RBFOX1: variants seen among roughly 807,000 people sequenced by gnomAD.
RBFOX1 encodes RNA binding protein fox-1 homolog 1.
In RBFOX1, 8 loss-of-function variants were observed where a neutral mutation model predicts 57.7. The observed-to-expected ratio is 0.14, with a 90% CI of 0.08 to 0.25. The LOEUF (loss-of-function observed/expected upper bound fraction) is 0.25. Ranked by LOEUF, RBFOX1 falls within the 10% of genes least tolerant of loss-of-function variation. RBFOX1 has a pLI of 1.00. For missense variants in RBFOX1, 611 were observed against 548.5 expected (o/e 1.11, Z -1.14); for synonymous variants, 326 against 222.4 (o/e 1.47, Z -4.15).
intron 3 of RBFOX1, among the ~76,000 whole-genome samples, chr16:5,843,445 G>A (rs1185573082): frequency 2.0e-5 from 3 of 152,302 alleles, no homozygotes; most frequent in South Asian, 4.1e-4. Flanking sequence ...CTCCATGCAT[G>A]TTCCAACAAA....
intron 2 of RBFOX1, among the ~76,000 whole-genome samples, chr16:6,626,009 A>T (rs2098299568): frequency 6.6e-6 from 1 of 152,172 alleles, no homozygotes; most frequent in Admixed American, 6.5e-5. Flanking sequence ...TGTGCAATCA[A>T]ATTATAGGAA....
Position 6,143,959 on chromosome 16 carries a change from C to CCACATATATATATATATATATATATA in RBFOX1, c.-127+123967_-127+123968insCACATATATATATATATATATATATA, listed in dbSNP as rs71404590. 1.3e-4 allele frequency among the ~76,000 whole-genome samples: 18 copies of CCACATATATATATATATATATATATA among 139,980 alleles called. 1 individual carries two copies. The highest frequency in any genetic ancestry group is 4.8e-4 in the African/African-American group (17 of 35,654). The allele number at this position is 139,980 out of a possible 152,430, so 91.8% of individuals were successfully genotyped here. A position where few individuals can be genotyped will look rare whatever the true frequency, so the allele number is the denominator to read the frequency against. ...TGCAGGTGTGCAACACCATACTCAG[C>CCACATATATATATATATATATATATA]TATATATATATATATATATATATCT... On this transcript the variant is annotated intron_variant, in intron 1 of 15. Coordinates refer to ENST00000550418, the MANE Select transcript of RBFOX1 (RefSeq NM_018723.4).
intron 3 of RBFOX1, among the ~76,000 whole-genome samples, chr16:6,693,228 C>A (rs1443755013): frequency 4.0e-5 from 6 of 150,430 alleles, no homozygotes; most frequent in Non-Finnish European, 8.9e-5. Flanking sequence ...CGTCATCCTC[C>A]TCCACTACCA....
At chr16:6,058,833 T>TCCATCCATCC (rs2095648782) in intron 1 of RBFOX1, among the ~76,000 whole-genome samples, 1 of 134,310 alleles carries the variant, frequency 7.4e-6, no homozygotes, top group Non-Finnish European at 1.7e-5. Flanking sequence ...CTCATTTATT[T>TCCATCCATCC]ATCCATCCAT....
intron 2 of RBFOX1, among the ~76,000 whole-genome samples, chr16:5,577,137 C>T (rs764278152): frequency 3.5e-4 from 54 of 152,186 alleles, no homozygotes; most frequent in Non-Finnish European, 6.9e-4. Flanking sequence ...CCCTCGGAGC[C>T]CCATGTGGGA....
At chr16:6,892,204 C>T (rs1368210815) in intron 3 of RBFOX1, among the ~76,000 whole-genome samples, 1 of 152,116 alleles carries the variant, frequency 6.6e-6, no homozygotes, top group Non-Finnish European at 1.5e-5. Flanking sequence ...TGCCCTTTGG[C>T]CAAGCAGAAC....
At chr16:7,095,350 C>G (rs1362175905) in intron 4 of RBFOX1, among the ~76,000 whole-genome samples, 1 of 152,124 alleles carries the variant, frequency 6.6e-6, no homozygotes, top group Non-Finnish European at 1.5e-5. Flanking sequence ...ATTGGCCAGG[C>G]TGGTCTCGAA....
Position 5,807,718 on chromosome 16 carries a change from A to G in RBFOX1, c.319-59585A>G, listed in dbSNP as rs115875456. Among the ~76,000 whole-genome samples, 442 of 152,312 alleles carry G rather than the reference A, an allele frequency of 2.9e-3. 3 individuals carry two copies. The highest frequency in any genetic ancestry group is 0.01 in the African/African-American group (424 of 41,574). ...GGAAGGTTGAAGTCTACATCGGTGC[A>G]TCACAAACTTTAACAGACTCAAGAA... On this transcript the variant is annotated intron_variant, in intron 3 of 19. Transcript: ENST00000641259.
At chr16:5,453,744 G>A (rs1311062530) in intron 1 of RBFOX1, among the ~76,000 whole-genome samples, 1 of 152,194 alleles carries the variant, frequency 6.6e-6, no homozygotes, top group Non-Finnish European at 1.5e-5. Flanking sequence ...ACCAGTTAGA[G>A]ATCAGCTTTA....
intron 2 of RBFOX1, among the ~76,000 whole-genome samples, chr16:5,561,624 A>C (rs533470792): frequency 2.0e-5 from 3 of 152,150 alleles, no homozygotes; most frequent in Non-Finnish European, 4.4e-5. Flanking sequence ...ATCCTGTTTT[A>C]ATACTAGACC....
At chr16:5,876,683 A>G (rs2151911335) in intron 4 of RBFOX1, among the ~76,000 whole-genome samples, 1 of 152,268 alleles carries the variant, frequency 6.6e-6, no homozygotes, top group East Asian at 1.9e-4. Flanking sequence ...CAGTTTTGAC[A>G]CCATTTATTT....
intron 4 of RBFOX1, among the ~76,000 whole-genome samples, chr16:7,090,130 T>C (rs1166029593): frequency 6.6e-6 from 1 of 152,222 alleles, no homozygotes; most frequent in Admixed American, 6.5e-5. Flanking sequence ...GAGCTCATCT[T>C]GCTTTAGGAA....
intron 2 of RBFOX1, among the ~76,000 whole-genome samples, chr16:6,643,007 C>T (rs1048042671): frequency 7.2e-5 from 11 of 152,176 alleles, no homozygotes. Flanking sequence ...TAGGTTGAAA[C>T]CATAGACTTT....
intron 3 of RBFOX1, among the ~76,000 whole-genome samples, chr16:6,790,466 T>G (rs545924751): frequency 6.6e-6 from 1 of 152,224 alleles, no homozygotes; most frequent in African/African-American, 2.4e-5. Context: ...AATACAGGCG[T>G]GAGGCACTGG....
rs57603257 is a variant in RBFOX1, at chr16:6,965,315, T to TTGTGTG, written c.-15-86702_-15-86697dup. On this transcript the variant is annotated intron_variant, in intron 3 of 15. Transcript: ENST00000550418. ...CAAATCCAATTTCCTTTTTCTTTTG[T>TTGTGTG]TGTGTGTGTGTGTGTGTGTGTGTGT... 4.3e-3 allele frequency among the ~76,000 whole-genome samples: 635 copies of TTGTGTG among 147,542 alleles called. 5 individuals are homozygous for TTGTGTG. The highest frequency in any genetic ancestry group is 6.0e-3 in the Non-Finnish European group (401 of 66,920).
At chr16:7,433,832 A>C (rs1045544743) in intron 4 of RBFOX1, among the ~76,000 whole-genome samples, 16 of 152,032 alleles carry the variant, frequency 1.1e-4, no homozygotes, top group Non-Finnish European at 1.6e-4. Flanking sequence ...TACTTATTTA[A>C]CACCTGTGTG....
intron 3 of RBFOX1, among the ~76,000 whole-genome samples, chr16:5,649,859 A>C (rs2049174820): frequency 6.6e-6 from 1 of 152,094 alleles, no homozygotes; most frequent in Admixed American, 6.5e-5. Context: ...CCTTGAGCTG[A>C]GCTTGTTAGT....
chr16:7,287,929 T>A (rs568360335), intron 4 of RBFOX1, among the ~76,000 whole-genome samples: 1 of 152,290 alleles, frequency 6.6e-6, no homozygotes, highest in East Asian at 1.9e-4. Context: ...TACACATAGT[T>A]TGTGAGGATC....
At chr16:5,310,611 A>G (rs2064061478) in intron 1 of RBFOX1, among the ~76,000 whole-genome samples, 1 of 152,150 alleles carries the variant, frequency 6.6e-6, no homozygotes, top group African/African-American at 2.4e-5. Flanking sequence ...CCCACATACA[A>G]TTGTAAGGTT....
Sources: gnomAD v4.1 joint callset for allele counts (sites outside exome capture counted in the v4.1 genomes callset) on GRCh38, gnomAD v4.1.1 for gene constraint, MANE v1.5 for transcripts, NCBI Gene and HGNC (gene_info 2026-07-23, HGNC 2026-07-21) for gene names.